Variants in VRK2 observed in about 807,000 individuals in gnomAD.
VRK2 encodes the protein VRK serine/threonine kinase 2, also known as serine/threonine-protein kinase VRK2.
In VRK2, 60 loss-of-function variants were observed where a neutral mutation model predicts 57.6. The ratio of observed to expected loss-of-function variants is 1.04; its 90% CI spans 0.85 to 1.29. The LOEUF (loss-of-function observed/expected upper bound fraction) is 1.29. Among genes scored for constraint, VRK2 ranks in the 50% most tolerant of loss-of-function variants. The pLI is 0.00. For missense variants in VRK2, 705 were observed against 588.1 expected, an observed-to-expected ratio of 1.20 and a Z score of -2.06; for synonymous variants, 231 against 199.2, an observed-to-expected ratio of 1.16 and a Z score of -1.35.
intron 11 of VRK2, among the ~76,000 whole-genome samples, chr2:58,144,032 T>TAC (rs1313327827): frequency 4.0e-5 from 6 of 151,354 alleles, no homozygotes; most frequent in African/African-American, 1.5e-4. Flanking sequence ...TATATACATA[T>TAC]ATACACACAC....
At chr2:57,932,003 G>A (rs569099621) in intron 1 of VRK2, among the ~76,000 whole-genome samples, 1 of 152,158 alleles carries the variant, frequency 6.6e-6, no homozygotes, top group East Asian at 1.9e-4. Context: ...GCAGTACCAT[G>A]CTGCTTTGAT....
At chr2:58,015,836 G>C (rs1673563631) in intron 1 of VRK2, among the ~76,000 whole-genome samples, 1 of 152,080 alleles carries the variant, frequency 6.6e-6, no homozygotes, top group South Asian at 2.1e-4. Flanking sequence ...GCTAGGTATA[G>C]AATATTGGAA....
intron 1 of VRK2, among the ~76,000 whole-genome samples, chr2:57,910,427 C>A (rs1572848939): frequency 6.6e-6 from 1 of 152,152 alleles, no homozygotes; most frequent in South Asian, 2.1e-4. Context: ...CACTTTCATA[C>A]CCCAGTCTCT....
intron 1 of VRK2, among the ~76,000 whole-genome samples, chr2:57,931,069 A>T (rs1412932073): frequency 1.3e-5 from 2 of 152,146 alleles, no homozygotes; most frequent in African/African-American, 2.4e-5. Context: ...AGTTGCTTCC[A>T]TATCTTGACT....
At chr2:58,016,060 C>T (rs1255862555) in intron 1 of VRK2, among the ~76,000 whole-genome samples, 1 of 151,646 alleles carries the variant, frequency 6.6e-6, no homozygotes, top group Non-Finnish European at 1.5e-5. Flanking sequence ...AGAATTAATT[C>T]TGTGGACTCT....
At chr2:57,937,293 C>T (rs539321489) in intron 1 of VRK2, among the ~76,000 whole-genome samples, 18 of 152,170 alleles carry the variant, frequency 1.2e-4, no homozygotes, top group African/African-American at 4.3e-4. Flanking sequence ...AAGAAAAATA[C>T]TAAGCACCCC....
intron 1 of VRK2, among the ~76,000 whole-genome samples, chr2:57,931,334 T>A (rs182495968): frequency 3.9e-5 from 6 of 152,204 alleles, no homozygotes; most frequent in African/African-American, 1.4e-4. Flanking sequence ...TCTACAAGAT[T>A]TCATTATGGT....
At chr2:58,083,179 C>G (rs564769624) in intron 2 of VRK2, among the ~76,000 whole-genome samples, 1 of 151,796 alleles carries the variant, frequency 6.6e-6, no homozygotes, top group South Asian at 2.1e-4. Flanking sequence ...CAGATATCAT[C>G]CAGACACTTA....
intron 7 of VRK2, among the ~76,000 whole-genome samples, chr2:58,096,539 C>T: frequency 6.6e-6 from 1 of 151,882 alleles, no homozygotes; most frequent in South Asian, 2.1e-4. Context: ...TTTTTTATGA[C>T]TTAAATTTTT....
At chr2:58,071,728 C>T (rs1669385377) in intron 2 of VRK2, among the ~76,000 whole-genome samples, 1 of 151,926 alleles carries the variant, frequency 6.6e-6, no homozygotes, top group Non-Finnish European at 1.5e-5. Context: ...AGTGCAAGTC[C>T]TCTGACTTTG....
intron 1 of VRK2, among the ~76,000 whole-genome samples, chr2:57,909,337 T>C (rs939991456): frequency 6.6e-6 from 1 of 152,092 alleles, no homozygotes; most frequent in African/African-American, 2.4e-5. Context: ...ATACCAAGAG[T>C]AAACTGAAGA....
At chr2:58,103,307 A>G (rs1418817323) in intron 7 of VRK2, among the ~76,000 whole-genome samples, 1 of 151,510 alleles carries the variant, frequency 6.6e-6, no homozygotes, top group Admixed American at 6.6e-5. Context: ...AACAAAATGA[A>G]AAGTTTGTTC....
At chr2:58,120,713 C>T (rs1476317078) in intron 7 of VRK2, among the ~76,000 whole-genome samples, 2 of 152,178 alleles carry the variant, frequency 1.3e-5, no homozygotes, top group African/African-American at 4.8e-5. Context: ...TCTTTTCTTT[C>T]CCTTTGAGAT....
At chr2:57,926,468 TATA>T in intron 1 of VRK2, among the ~76,000 whole-genome samples, 1 of 124,712 alleles carries the variant, frequency 8.0e-6, no homozygotes, top group Non-Finnish European at 1.7e-5. Flanking sequence ...TGTGTGTGTG[TATA>T]GTGTATATAT....
At chr2:57,973,175 C>CA (rs1275247018) in intron 1 of VRK2, among the ~76,000 whole-genome samples, 1 of 151,868 alleles carries the variant, frequency 6.6e-6, no homozygotes, top group African/African-American at 2.4e-5. Flanking sequence ...ACAGCCTTGC[C>CA]AACAGTTGTC....
At chr2:58,136,941 T>C (rs1220199887) in intron 10 of VRK2, among the ~76,000 whole-genome samples, 1 of 136,256 alleles carries the variant, frequency 7.3e-6, no homozygotes, top group African/African-American at 2.8e-5. Context: ...TCATATATAT[T>C]ATATATCATA....
At chr2:58,044,833 GTTCTT>G (rs1674618731), upstream of VRK2, among the ~76,000 whole-genome samples, 1 of 152,206 alleles carries the variant, frequency 6.6e-6, no homozygotes, top group African/African-American at 2.4e-5. Context: ...GTAGATCAGT[GTTCTT>G]TTCAACGACT....
At chr2:58,033,393 T>C (rs968126969) in exon 3 of VRK2, 2 of 151,972 alleles carry the variant, frequency 1.3e-5, no homozygotes, top group African/African-American at 4.8e-5. Context: ...CGGAAGAAGT[T>C]ATAACATTGG....
At chr2:58,136,871 C>T (rs867888319) in intron 10 of VRK2, among the ~76,000 whole-genome samples, 1 of 124,506 alleles carries the variant, frequency 8.0e-6, no homozygotes, top group Non-Finnish European at 1.6e-5. Flanking sequence ...GTATATATAT[C>T]ATATATTATA....
Sources: allele counts gnomAD v4.1 joint callset (sites outside exome capture counted in the v4.1 genomes callset), GRCh38; gene constraint gnomAD v4.1.1; transcripts MANE v1.5; gene names NCBI Gene and HGNC (gene_info 2026-07-23, HGNC 2026-07-21).